TIMM9: variants seen among roughly 807,000 people sequenced by gnomAD.
TIMM9 encodes the protein mitochondrial import inner membrane translocase subunit Tim9.
In TIMM9, 10 loss-of-function variants were observed where a neutral mutation model predicts 13.4. That is an observed-to-expected ratio of 0.75 (90% CI 0.46 to 1.26). The LOEUF (loss-of-function observed/expected upper bound fraction) is 1.26, where lower values mean the gene tolerates loss of function less well. Ranked by LOEUF, TIMM9 falls within the 50% of genes most tolerant of loss-of-function variation. The probability of loss-of-function intolerance (pLI) is 0.00; values close to 1 mark genes in which losing one functional copy is unlikely to be tolerated. For missense variants in TIMM9, 87 were observed against 100.8 expected (o/e 0.86, Z 0.58); for synonymous variants, 32 against 32.1 (o/e 1.00, Z 0.01).
chr14:58,412,534 G>A (rs1332430155), intron 3 of TIMM9, among the ~76,000 whole-genome samples: 3 of 152,120 alleles, frequency 2.0e-5, no homozygotes, highest in Non-Finnish European at 4.4e-5. Context: ...ACCTTGCTAA[G>A]CTGCTTGTTT....
intron 3 of TIMM9, among the ~76,000 whole-genome samples, chr14:58,417,238 G>C (rs758886853): frequency 1.1e-4 from 16 of 151,866 alleles, no homozygotes; most frequent in Non-Finnish European, 2.2e-4. Context: ...CCAGTCTAGG[G>C]TATGTCTTTA....
chr14:58,426,353 G>A (rs2036796034), intron 2 of TIMM9, among the ~76,000 whole-genome samples: 1 of 151,450 alleles, frequency 6.6e-6, no homozygotes, highest in South Asian at 2.1e-4. Context: ...CTACAGGCGC[G>A]CGCCACCATG....
chr14:58,408,626 A>C lies in TIMM9; in HGVS notation c.*408T>G, dbSNP rs557892133. The C allele has an allele frequency of 3.0e-5, 47 of 1,565,756 alleles. No individual in the cohort carries two copies. The South Asian group carries it at 4.8e-4, about 16-fold the overall frequency. On this transcript the variant is annotated 3_prime_UTR_variant, in exon 6 of 6. Coordinates refer to ENST00000395159, the MANE Select transcript of TIMM9 (RefSeq NM_012460.4). Reference sequence around the variant, plus strand: ...CACAGTCCAGTGAGAATACTATGGTACCATACAGTATAAACAACTGCTCAG... The same window carrying C: ...CACAGTCCAGTGAGAATACTATGGTCCCATACAGTATAAACAACTGCTCAG...
chr14:58,425,117 G>A (rs2036694877), intron 2 of TIMM9, among the ~76,000 whole-genome samples: 1 of 151,798 alleles, frequency 6.6e-6, no homozygotes. Flanking sequence ...CTGATTTAGA[G>A]TGAGAAAATA....
In TIMM9 at chr14:58,423,664, G is replaced by A. The variant is rs186875854; in HGVS notation, c.-27+344C>T. Reference sequence around the variant, plus strand: ...TTCTAAATTTTTCACTATTCACTTCGCAGTTATTTAATAGTAAGCTTAGAC... The same window carrying A: ...TTCTAAATTTTTCACTATTCACTTCACAGTTATTTAATAGTAAGCTTAGAC... On this transcript the variant is annotated intron_variant, in intron 3 of 5. Coordinates refer to ENST00000395159, the MANE Select transcript of TIMM9 (RefSeq NM_012460.4). Among the ~76,000 whole-genome samples the A allele has an allele frequency of 4.6e-5, 7 of 151,898 alleles. No individual in the cohort carries two copies. In the East Asian group the frequency reaches 7.7e-4, roughly 17 times the overall value.
Position 58,421,271 on chromosome 14 carries a change from C to T in TIMM9, c.-27+2737G>A, listed in dbSNP as rs74577387. Among the ~76,000 whole-genome samples, 862 of 152,250 alleles carry T rather than the reference C, an allele frequency of 5.7e-3. 3 individuals are homozygous for T. The highest frequency in any genetic ancestry group is 0.01 in the Middle Eastern group (3 of 294). ...AAAAGTTAAATACTGTATAATTCCACTTATACAACATTCTTGAAATAACAG... is the reference window on the plus strand; with the variant it reads ...AAAAGTTAAATACTGTATAATTCCATTTATACAACATTCTTGAAATAACAG... On this transcript the variant is annotated intron_variant, in intron 3 of 5. Transcript: ENST00000395159.
chr14:58,412,098 A>G (rs559753406), intron 3 of TIMM9, 127 bp from the exon 4 acceptor site: 77 of 651,996 alleles, frequency 1.2e-4, no homozygotes, highest in Non-Finnish European at 1.8e-4. Context: ...ACCACCCCCA[A>G]TTTCTCAGAT....
intron 3 of TIMM9, among the ~76,000 whole-genome samples, chr14:58,419,451 TCACACACACA>T (rs67147520): frequency 0.025 from 2,847 of 112,894 alleles, 41 homozygotes; most frequent in Middle Eastern, 0.07. Flanking sequence ...TGAGACCCCG[TCACACACACA>T]CACACACACA....
chr14:58,415,063 C>T (rs182885464), intron 3 of TIMM9, among the ~76,000 whole-genome samples: 49 of 152,268 alleles, frequency 3.2e-4, no homozygotes, highest in African/African-American at 1.1e-3. Context: ...CCTTCCCAGC[C>T]AGGGAGTTAT....
At chr14:58,426,158 CA>C (rs1281663229) in intron 2 of TIMM9, among the ~76,000 whole-genome samples, 1 of 150,762 alleles carries the variant, frequency 6.6e-6, no homozygotes, top group South Asian at 2.1e-4. Flanking sequence ...CAGCAAGTTA[CA>C]AAAAAATAAT....
At chr14:58,426,778 C>T (rs778503397) in intron 2 of TIMM9, among the ~76,000 whole-genome samples, 6 of 152,108 alleles carry the variant, frequency 3.9e-5, no homozygotes, top group Non-Finnish European at 8.8e-5. Context: ...TCGTAAATAC[C>T]TTATAGTCTA....
At position 58,409,173 on chromosome 14, in the gene TIMM9, G is replaced by A; in HGVS notation, c.136-5C>T. On this transcript the variant is annotated splice_region_variant and splice_polypyrimidine_tract_variant and intron_variant, in intron 5 of 5. Coordinates refer to ENST00000395159, the MANE Select transcript of TIMM9 (RefSeq NM_012460.4). ...GCAATGTTCTGAACAGGTGGTCTAG[G>A]AATGAAAAGGGAAGATCCAAGAGGC... 3.1e-6 allele frequency: 5 copies of A among 1,609,836 alleles called. No individual in the cohort carries two copies. Among genetic ancestry groups the A allele is most frequent in the Non-Finnish European group, 4.2e-6 (5 of 1,178,868 alleles).
chr14:58,410,766 AGTGAAATGCT>A, intron 5 of TIMM9, 67 bp downstream of exon 5: 2 of 975,362 alleles, frequency 2.1e-6, no homozygotes, highest in Non-Finnish European at 3.1e-6. Flanking sequence ...AGTAGGAACA[AGTGAAATGCT>A]TAAGGGGATC....
chr14:58,411,687 C>T (rs926805534), intron 4 of TIMM9, among the ~76,000 whole-genome samples: 9 of 151,784 alleles, frequency 5.9e-5, no homozygotes, highest in African/African-American at 1.9e-4. Flanking sequence ...TAGAGGTGTG[C>T]GCCAGCACGC....
intron 5 of TIMM9, 73 bp from the exon 6 acceptor site, chr14:58,409,241 G>GA (rs1595004717): frequency 1.3e-6 from 2 of 1,538,876 alleles, no homozygotes; most frequent in East Asian, 4.6e-5. Context: ...TATTCTAAAA[G>GA]AATCAGTGGG....
In TIMM9 at chr14:58,425,545, A is replaced by G. The variant is rs76285098; in HGVS notation, c.-114-1450T>C. On this transcript the variant is annotated intron_variant, in intron 2 of 5. Coordinates refer to ENST00000395159, the MANE Select transcript of TIMM9 (RefSeq NM_012460.4). The stretch of plus-strand genomic sequence containing the variant: ...TGACAGAGCAAGGCCCTGTCTCTGG[A>G]AAAAAAAAAAAAAAGAGGGAAAGGA... Among the ~76,000 whole-genome samples the G allele has an allele frequency of 1.7e-4, 23 of 139,088 alleles. 2 individuals carry two copies. The South Asian group carries it at 4.9e-3, about 30-fold the overall frequency. 91.2% of individuals were successfully genotyped at this position (139,088 alleles called of 152,430 possible).
Position 58,421,810 on chromosome 14 carries a change from A to G in TIMM9, c.-27+2198T>C, listed in dbSNP as rs185597487. On this transcript the variant is annotated intron_variant, in intron 3 of 5. Transcript: ENST00000395159. ...AAAAAAAATACAAGGGTAATAAAAT[A>G]TGCATTAAGGAACTTTGTTTACCAA... Among the ~76,000 whole-genome samples the G allele has an allele frequency of 8.3e-3, 1,259 of 152,266 alleles. 14 individuals are homozygous for G. Among genetic ancestry groups the G allele is most frequent in the Non-Finnish European group, 8.6e-3 (583 of 68,024 alleles).
chr14:58,419,566 AAG>A (rs1245788427), intron 3 of TIMM9, among the ~76,000 whole-genome samples: 3 of 151,840 alleles, frequency 2.0e-5, no homozygotes, highest in East Asian at 3.9e-4. Context: ...TTGGGAAAAA[AAG>A]ATGTGAGAAC....
At chr14:58,411,464 G>A (rs1168362970) in intron 4 of TIMM9, among the ~76,000 whole-genome samples, 1 of 150,838 alleles carries the variant, frequency 6.6e-6, no homozygotes, top group Non-Finnish European at 1.5e-5. Flanking sequence ...AAAAGAACAA[G>A]AAAAATACGT....
Sources: allele counts gnomAD v4.1 joint callset (sites outside exome capture counted in the v4.1 genomes callset), GRCh38; gene constraint gnomAD v4.1.1; transcripts MANE v1.5; gene names NCBI Gene and HGNC (gene_info 2026-07-23, HGNC 2026-07-21).